DNAI3: variants seen among roughly 807,000 people sequenced by gnomAD.
DNAI3 encodes dynein axonemal intermediate chain 3.
Under a neutral mutation model 115.5 loss-of-function variants are expected in DNAI3, and 83 were observed. The ratio of observed to expected loss-of-function variants is 0.72; its 90% confidence interval spans 0.60 to 0.86. The LOEUF (loss-of-function observed/expected upper bound fraction) is 0.86. Among genes scored for constraint, DNAI3 ranks in the 40% least tolerant of loss-of-function variants. DNAI3 has a pLI of 0.00. For missense variants in DNAI3, 1,004 were observed against 1,075.8 expected (o/e 0.93, Z 0.93); for synonymous variants, 320 against 347.0 (o/e 0.92, Z 0.86).
chr1:85,114,215 G>T (rs1292682113), intron 16 of DNAI3, among the ~76,000 whole-genome samples: 1 of 152,042 alleles, frequency 6.6e-6, no homozygotes, highest in Admixed American at 6.5e-5. Flanking sequence ...GTTTCACCAT[G>T]TTGGCCAGGC....
At chr1:85,100,994 G>A (rs1459120704) in intron 13 of DNAI3, among the ~76,000 whole-genome samples, 2 of 151,388 alleles carry the variant, frequency 1.3e-5, no homozygotes, top group Non-Finnish European at 2.9e-5. Flanking sequence ...GAGGAGGGGG[G>A]ATAGCATTAG....
chr1:85,083,166 C>T (rs1654682571), intron 5 of DNAI3, among the ~76,000 whole-genome samples: 1 of 151,970 alleles, frequency 6.6e-6, no homozygotes, highest in Admixed American at 6.6e-5. Context: ...GTCCAATAAG[C>T]AATAAGAATA....
In DNAI3 at chr1:85,073,092, G is replaced by A; in HGVS notation, c.103G>A (p.Gly35Ser). ...DMEPVNMESM[G>S]HPEIYPLVLT... Reference sequence around the variant, plus strand: ...GGAACCAGTAAATATGGAGAGCATGGGTAAGTGGAAATATAATTTACAACT... The same window carrying A: ...GGAACCAGTAAATATGGAGAGCATGAGTAAGTGGAAATATAATTTACAACT... The change falls in exon 3 of 23, where the codon GGT becomes AGT. Residue 35 changes from glycine to serine, a missense_variant and splice_region_variant. Transcript: ENST00000294664. 6.5e-7 allele frequency: 1 copy of A among 1,535,672 alleles called. No individual in the cohort carries two copies. The highest frequency in any genetic ancestry group is 8.8e-7 in the Non-Finnish European group (1 of 1,137,992).
intron 16 of DNAI3, among the ~76,000 whole-genome samples, chr1:85,114,951 T>C (rs903389297): frequency 1.1e-4 from 16 of 152,238 alleles, no homozygotes; most frequent in African/African-American, 3.9e-4. Context: ...TCTGTATTTA[T>C]TCTGATAAGG....
At chr1:85,125,813 G>A (rs571026635) in intron 19 of DNAI3, among the ~76,000 whole-genome samples, 7 of 152,298 alleles carry the variant, frequency 4.6e-5, no homozygotes, top group Non-Finnish European at 7.4e-5. Flanking sequence ...GTAAGTAGGC[G>A]AAGGAGCACC....
intron 11 of DNAI3, among the ~76,000 whole-genome samples, 169 bp downstream of exon 11, chr1:85,096,189 C>T (rs817596): frequency 0.99 from 150,050 of 152,318 alleles, 73,953 homozygotes; most frequent in East Asian, 1. Flanking sequence ...GTGTTACACA[C>T]GGTATCAGCT....
chr1:85,119,773 T>C (rs1206193091), intron 17 of DNAI3, among the ~76,000 whole-genome samples: 2 of 152,004 alleles, frequency 1.3e-5, no homozygotes, highest in Non-Finnish European at 2.9e-5. Context: ...TCTCGGCTTA[T>C]TGCAACCTCC....
chr1:85,088,221 G>A (rs770317431), intron 7 of DNAI3, among the ~76,000 whole-genome samples: 12 of 152,068 alleles, frequency 7.9e-5, no homozygotes, highest in Non-Finnish European at 1.0e-4. Context: ...CCAAGAATGA[G>A]TCAGCCAGGG....
rs371224041 is a variant in DNAI3, at chr1:85,121,838, A to G, written c.1981+24A>G. Reference sequence around the variant, plus strand: ...GTGTAAGTTTTGTGATTGCCCTGTTATTAATAAGATGTTCCTTTTAATTTA... The same window carrying G: ...GTGTAAGTTTTGTGATTGCCCTGTTGTTAATAAGATGTTCCTTTTAATTTA... On this transcript the variant is annotated intron_variant, in intron 18 of 22. Transcript: ENST00000294664. 2.0e-5 allele frequency: 33 copies of G among 1,611,510 alleles called. No homozygotes were observed. In the African/African-American group the frequency reaches 3.3e-4, roughly 16 times the overall value.
rs1259042754 is a variant in DNAI3 at position 85,070,530 on chromosome 1, A to C, written c.-14-1398A>C. Among the ~76,000 whole-genome samples the C allele has an allele frequency of 2.3e-4, 35 of 152,198 alleles. 1 individual carries two copies. Among genetic ancestry groups the C allele is most frequent in the Non-Finnish European group, 1.5e-5 (1 of 68,016 alleles). On this transcript the variant is annotated intron_variant, in intron 1 of 22. Transcript: ENST00000294664. ...ATAAAATGGAGATGAAGATAATAGTAATAATAAAATGTGGTTATCTAGTAT... is the reference window on the plus strand; with the variant it reads ...ATAAAATGGAGATGAAGATAATAGTCATAATAAAATGTGGTTATCTAGTAT...
At chr1:85,063,809 G>A (rs1654012272) in intron 1 of DNAI3, among the ~76,000 whole-genome samples, 1 of 152,248 alleles carries the variant, frequency 6.6e-6, no homozygotes, top group Non-Finnish European at 1.5e-5. Context: ...AAGTGTCCAT[G>A]ATCTAGGGCA....
chr1:85,069,865 T>G (rs1001156171), intron 1 of DNAI3, among the ~76,000 whole-genome samples: 1 of 152,194 alleles, frequency 6.6e-6, no homozygotes, highest in South Asian at 2.1e-4. Context: ...GGAAGTGATA[T>G]GGAGGACATT....
chr1:85,077,213 A>T (rs1459092829), intron 3 of DNAI3, among the ~76,000 whole-genome samples: 1 of 152,208 alleles, frequency 6.6e-6, no homozygotes, highest in African/African-American at 2.4e-5. Flanking sequence ...TGGAGAAGGG[A>T]TAGTCTTTTC....
chr1:85,072,972 A>AAAAAAAG (rs1553165209), intron 2 of DNAI3, 82 bp from the exon 3 acceptor site: 2 of 506,698 alleles, frequency 3.9e-6, no homozygotes, highest in Non-Finnish European at 3.1e-6. Context: ...AAAAAAAAAA[A>AAAAAAAG]AAGAAGAAAT....
chr1:85,072,171 T>C (rs1275077296), intron 2 of DNAI3, among the ~76,000 whole-genome samples, 166 bp downstream of exon 2: 1 of 152,236 alleles, frequency 6.6e-6, no homozygotes, highest in Non-Finnish European at 1.5e-5. Flanking sequence ...TACTTTTGAC[T>C]AATTTCATTA....
At chr1:85,079,181 AGAG>A (rs1654550802) in intron 3 of DNAI3, among the ~76,000 whole-genome samples, 1 of 152,220 alleles carries the variant, frequency 6.6e-6, no homozygotes, top group South Asian at 2.1e-4. Context: ...GTCTGTTTGC[AGAG>A]GAGTACTTGA....
chr1:85,128,610 T>C, intron 20 of DNAI3, 98 bp from the exon 21 acceptor site: 2 of 941,342 alleles, frequency 2.1e-6, no homozygotes, highest in South Asian at 1.6e-5. Flanking sequence ...AGCAGGTCCT[T>C]TGGGAGAACA....
chr1:85,121,890 A>G, intron 18 of DNAI3, 76 bp downstream of exon 18: 1 of 1,503,650 alleles, frequency 6.7e-7, no homozygotes, highest in Non-Finnish European at 9.2e-7. Context: ...CTCATGCAGT[A>G]CAGAGTCACC....
At chr1:85,096,996 G>C (rs963681275) in intron 11 of DNAI3, among the ~76,000 whole-genome samples, 2 of 151,984 alleles carry the variant, frequency 1.3e-5, no homozygotes, top group Non-Finnish European at 2.9e-5. Flanking sequence ...CTGTACTCCT[G>C]ACATTTTGTT....
Sources: gnomAD v4.1 joint callset for allele counts (sites outside exome capture counted in the v4.1 genomes callset) on GRCh38, gnomAD v4.1.1 for gene constraint, MANE v1.5 for transcripts, NCBI Gene and HGNC (gene_info 2026-07-23, HGNC 2026-07-21) for gene names.